Variants in RYR3 observed in about 807,000 individuals in gnomAD.
RYR3 encodes the protein ryanodine receptor 3.
Under a neutral mutation model 584.3 loss-of-function variants are expected in RYR3, and 207 were observed. The ratio of observed to expected loss-of-function variants is 0.35; its 90% CI spans 0.32 to 0.40. The LOEUF is 0.40. Ranked by LOEUF, RYR3 falls within the 10% of genes least tolerant of loss-of-function variation. The pLI, the probability that RYR3 is intolerant of heterozygous loss-of-function variation, is 1.00. For synonymous variants in RYR3, 2,416 were observed against 2,248.5 expected (o/e 1.07, Z -2.11); for missense variants, 5,616 against 6,089.2 (o/e 0.92, Z 2.59).
At chr15:33,635,892 C>T in intron 26 of RYR3, 73 bp downstream of exon 26, 1 of 1,300,182 alleles carries the variant, frequency 7.7e-7, no homozygotes. Flanking sequence ...TCTGGAAGCT[C>T]AAATTACTGG....
At chr15:33,600,049 C>CT (rs1193601040) in intron 16 of RYR3, among the ~76,000 whole-genome samples, 1 of 152,182 alleles carries the variant, frequency 6.6e-6, no homozygotes, top group Admixed American at 6.5e-5. Context: ...ATCTATGGCT[C>CT]TTTTCTTAGG....
At chr15:33,490,711 T>C (rs2050891796) in intron 2 of RYR3, among the ~76,000 whole-genome samples, 1 of 149,958 alleles carries the variant, frequency 6.7e-6, no homozygotes, top group African/African-American at 2.5e-5. Flanking sequence ...TTCAGAAAAT[T>C]TCAAGTAAAC....
chr15:33,678,053 G>A (rs188314114), intron 38 of RYR3, among the ~76,000 whole-genome samples: 1 of 152,304 alleles, frequency 6.6e-6, no homozygotes, highest in Non-Finnish European at 1.5e-5. Flanking sequence ...GGCCATCATC[G>A]TTGGGGAAAT....
chr15:33,843,610 C>A, intron 92 of RYR3, 36 bp downstream of exon 92: 2 of 1,328,474 alleles, frequency 1.5e-6, no homozygotes, highest in Non-Finnish European at 2.1e-6. Flanking sequence ...GCTAAATATG[C>A]TGTATACTAA....
In RYR3 at chr15:33,473,516, T is replaced by G; in HGVS notation, c.149T>G (p.Leu50Trp). ...AEGLGNRLCF[L>W]EPTSEAKYIP... is the part of the protein sequence containing the mutation. ...GGACTTGGGAATCGCCTGTGCTTCT[T>G]GGAACCCACTTCAGAAGCCAAGGTG... Residue 50 changes from leucine to tryptophan, a missense_variant, in exon 2 of 104, where the codon TTG becomes TGG. Physicochemically the swap from Leu to Trp is moderately conservative, Grantham distance 61. Transcript: ENST00000634891. 2 of 1,614,000 alleles carry G rather than the reference T, an allele frequency of 1.2e-6. No homozygotes were observed. Among genetic ancestry groups the G allele is most frequent in the South Asian group, 2.2e-5 (2 of 91,084 alleles).
rs925275017 is a variant in RYR3 at position 33,836,127 on chromosome 15, T to C, written c.11569-779T>C. ...GGGTTTTTGGTTTTTGGTTTCTTTT[T>C]TTTTTTTCCTTTTTTCTTTTCTTTT... On this transcript the variant is annotated intron_variant, in intron 87 of 103. Transcript: ENST00000634891. Among the ~76,000 whole-genome samples the C allele has an allele frequency of 2.6e-5, 4 of 151,850 alleles. No homozygotes were observed. In the South Asian group the frequency reaches 8.3e-4, roughly 32 times the overall value.
At chr15:33,632,603 G>A (rs1410601382) in intron 23 of RYR3, among the ~76,000 whole-genome samples, 1 of 152,218 alleles carries the variant, frequency 6.6e-6, no homozygotes, top group Non-Finnish European at 1.5e-5. Context: ...TTGTGTTTTT[G>A]TAGTGGGATG....
At chr15:33,608,718 C>T (rs933450094) in intron 18 of RYR3, among the ~76,000 whole-genome samples, 2 of 152,224 alleles carry the variant, frequency 1.3e-5, no homozygotes, top group Non-Finnish European at 2.9e-5. Context: ...TAAAAATAGG[C>T]CCAGCCTATG....
chr15:33,561,528 C>CT (rs1377013875), intron 10 of RYR3, among the ~76,000 whole-genome samples: 2 of 152,170 alleles, frequency 1.3e-5, no homozygotes, highest in Non-Finnish European at 2.9e-5. Flanking sequence ...TCAGAGGCTA[C>CT]TATGGAGAGT....
At chr15:33,459,789 C>G (rs1426786331) in intron 1 of RYR3, among the ~76,000 whole-genome samples, 1 of 152,160 alleles carries the variant, frequency 6.6e-6, no homozygotes, top group East Asian at 1.9e-4. Flanking sequence ...CTATATAACT[C>G]TCCTGGGATT....
intron 16 of RYR3, among the ~76,000 whole-genome samples, chr15:33,596,699 A>T (rs886482703): frequency 1.3e-5 from 2 of 152,180 alleles, no homozygotes; most frequent in Non-Finnish European, 2.9e-5. Context: ...ATTTGAAACC[A>T]TATAATATAT....
intron 101 of RYR3, 109 bp from the exon 102 acceptor site, chr15:33,860,969 C>G: frequency 1.1e-6 from 1 of 880,724 alleles, no homozygotes; most frequent in African/African-American, 1.7e-5. Context: ...TAGCCAAAAG[C>G]ATTAGAAAGA....
chr15:33,376,871 G>T (rs965986161), intron 1 of RYR3, among the ~76,000 whole-genome samples: 1 of 152,188 alleles, frequency 6.6e-6, no homozygotes, highest in African/African-American at 2.4e-5. Context: ...ACCACTTGTT[G>T]AAAATTTTTC....
At chr15:33,602,261 A>C (rs1004536614) in intron 17 of RYR3, among the ~76,000 whole-genome samples, 2 of 152,232 alleles carry the variant, frequency 1.3e-5, no homozygotes, top group African/African-American at 4.8e-5. Flanking sequence ...TTGCCTACCC[A>C]AAATAGGGCA....
intron 3 of RYR3, among the ~76,000 whole-genome samples, chr15:33,515,326 C>T (rs192658402): frequency 6.6e-6 from 1 of 152,306 alleles, no homozygotes; most frequent in Admixed American, 6.5e-5. Context: ...AACTGCTGTT[C>T]CCAGGCAACC....
intron 3 of RYR3, among the ~76,000 whole-genome samples, chr15:33,516,681 C>A (rs1195381775): frequency 6.6e-6 from 1 of 152,046 alleles, no homozygotes; most frequent in Non-Finnish European, 1.5e-5. Context: ...GGAAAAGAGT[C>A]TCTGGCCAAA....
In RYR3 at chr15:33,768,330, A is replaced by G. The variant is rs530814710; in HGVS notation, c.8706-328A>G. Among the ~76,000 whole-genome samples the G allele has an allele frequency of 7.2e-5, 11 of 152,348 alleles. No homozygotes were observed. The East Asian group carries it at 1.7e-3, about 24-fold the overall frequency. On this transcript the variant is annotated intron_variant, in intron 60 of 103. Coordinates refer to ENST00000634891, the MANE Select transcript of RYR3 (RefSeq NM_001036.6). The stretch of plus-strand genomic sequence containing the variant: ...GTCTTCATTTATCCCTGAATGTCAC[A>G]CAAATGAACGTTTCAGTACATGGTA...
rs148673019 is a variant in RYR3, at chr15:33,644,306, T to G, written c.3557-5T>G. On this transcript the variant is annotated splice_polypyrimidine_tract_variant and splice_region_variant and intron_variant, in intron 27 of 103. Coordinates refer to ENST00000634891, the MANE Select transcript of RYR3 (RefSeq NM_001036.6). ...CTAAAGCAGGTCTCTCTAACTCTTC[T>G]GCAGGCTTCGTGCCCATCTGCTGTC... is the stretch of plus-strand genomic sequence containing the variant. 2.4e-5 allele frequency: 39 copies of G among 1,606,036 alleles called. No homozygotes were observed. The East Asian group carries it at 8.1e-4, about 33-fold the overall frequency.
In RYR3 at chr15:33,484,426, A is replaced by G. The variant is rs2050238292; in HGVS notation, c.171+10888A>G. ...CCTCTCTAATAGATGGCACTACTAG[A>G]GAGGGAATTAAATTGAGTATGGTTT... On this transcript the variant is annotated intron_variant, in intron 2 of 103. Transcript: ENST00000634891. 1.3e-5 allele frequency among the ~76,000 whole-genome samples: 2 copies of G among 152,120 alleles called. 1 individual carries two copies. The highest frequency in any genetic ancestry group is 4.1e-4 in the South Asian group (2 of 4,820).
Sources: allele counts gnomAD v4.1 joint callset (sites outside exome capture counted in the v4.1 genomes callset), GRCh38; gene constraint gnomAD v4.1.1; transcripts MANE v1.5; gene names NCBI Gene and HGNC (gene_info 2026-07-23, HGNC 2026-07-21).